The following HSPA12A variants were observed in gnomAD, a reference collection of about 807,000 sequenced individuals.
The protein encoded by HSPA12A is heat shock 70 kDa protein 12A.
HSPA12A carries 28 observed loss-of-function variants against 69.2 expected under a neutral mutation model. The observed-to-expected ratio is 0.40, with a 90% CI of 0.30 to 0.55. The LOEUF (loss-of-function observed/expected upper bound fraction) is 0.55, where lower values mean the gene tolerates loss of function less well. Ranked by LOEUF, HSPA12A falls within the 20% of genes least tolerant of loss-of-function variation. The pLI is 0.38. For synonymous variants in HSPA12A, 345 were observed against 370.5 expected, an observed-to-expected ratio of 0.93 and a Z score of 0.79; for missense variants, 686 against 900.7, an observed-to-expected ratio of 0.76 and a Z score of 3.05.
intron 2 of HSPA12A, among the ~76,000 whole-genome samples, chr10:116,818,932 C>G (rs1845357974): frequency 6.6e-6 from 1 of 152,134 alleles, no homozygotes; most frequent in Non-Finnish European, 1.5e-5. Context: ...TGCTTCCAGG[C>G]TTGTACCTTG....
intron 1 of HSPA12A, among the ~76,000 whole-genome samples, chr10:116,847,428 C>A (rs1395009559): frequency 6.6e-6 from 1 of 152,216 alleles, no homozygotes; most frequent in Non-Finnish European, 1.5e-5. Flanking sequence ...TAAAACCCCA[C>A]TTATTTCTTG....
At chr10:116,797,903 A>G (rs571327922) in intron 2 of HSPA12A, among the ~76,000 whole-genome samples, 1 of 152,308 alleles carries the variant, frequency 6.6e-6, no homozygotes, top group African/African-American at 2.4e-5. Flanking sequence ...CCAGAGGACC[A>G]GAGGGGACAG....
chr10:116,779,295 A>G (rs118109852), intron 2 of HSPA12A, among the ~76,000 whole-genome samples: 2,023 of 152,226 alleles, frequency 0.013, 14 homozygotes, highest in Non-Finnish European at 0.021. Context: ...CAAACACAAG[A>G]GTAGCAGGGA....
chr10:116,824,795 G>A (rs577232111), intron 2 of HSPA12A, among the ~76,000 whole-genome samples: 261 of 152,198 alleles, frequency 1.7e-3, no homozygotes, highest in Non-Finnish European at 2.8e-3. Context: ...CGCCACACCC[G>A]GCTAATTTTT....
chr10:116,849,707 G>A (rs1226078684), exon 1 of HSPA12A: 17 of 1,535,900 alleles, frequency 1.1e-5, no homozygotes, highest in Non-Finnish European at 1.4e-5. Flanking sequence ...TCTACCTCCA[G>A]CCTGCCGACG....
At chr10:116,766,578 G>A (rs1554889774) in intron 2 of HSPA12A, among the ~76,000 whole-genome samples, 1 of 152,120 alleles carries the variant, frequency 6.6e-6, no homozygotes, top group African/African-American at 2.4e-5. Flanking sequence ...GAGGCATTCA[G>A]AAGAAAGTTC....
intron 2 of HSPA12A, among the ~76,000 whole-genome samples, chr10:116,811,517 C>A (rs1423560392): frequency 6.6e-6 from 1 of 151,166 alleles, no homozygotes; most frequent in Non-Finnish European, 1.5e-5. Context: ...GGTCCTGCTC[C>A]AGGCATTTCT....
intron 2 of HSPA12A, among the ~76,000 whole-genome samples, chr10:116,783,812 C>G (rs1362898519): frequency 6.6e-6 from 1 of 152,190 alleles, no homozygotes; most frequent in Non-Finnish European, 1.5e-5. Context: ...AAGCGATTCT[C>G]CTGCCTCAGC....
At chr10:116,787,135 C>A (rs1463612831) in intron 2 of HSPA12A, among the ~76,000 whole-genome samples, 1 of 151,938 alleles carries the variant, frequency 6.6e-6, no homozygotes, top group African/African-American at 2.4e-5. Flanking sequence ...TGAGAACCAG[C>A]AACCTGTCAG....
intron 6 of HSPA12A, among the ~76,000 whole-genome samples, chr10:116,687,919 T>G (rs2132928650): frequency 6.6e-6 from 1 of 152,376 alleles, no homozygotes; most frequent in South Asian, 2.1e-4. Flanking sequence ...GGCCACATTG[T>G]GGCCCAGGAC....
chr10:116,820,235 A>AAT (rs1263141817), intron 2 of HSPA12A, among the ~76,000 whole-genome samples: 5 of 152,020 alleles, frequency 3.3e-5, no homozygotes, highest in African/African-American at 1.2e-4. Flanking sequence ...ATCAAGGAAA[A>AAT]ATAAGAGACA....
chr10:116,793,098 G>A (rs934229994), intron 2 of HSPA12A, among the ~76,000 whole-genome samples: 1 of 152,140 alleles, frequency 6.6e-6, no homozygotes, highest in Non-Finnish European at 1.5e-5. Context: ...AGAACAAGGT[G>A]AAATACAGAC....
intron 2 of HSPA12A, among the ~76,000 whole-genome samples, chr10:116,794,225 T>C (rs1044224993): frequency 1.3e-5 from 2 of 151,594 alleles, no homozygotes; most frequent in African/African-American, 4.9e-5. Flanking sequence ...AATAAATAAA[T>C]AAAAATAAAA....
At chr10:116,683,722 A>G in intron 7 of HSPA12A, 69 bp downstream of exon 7, 1 of 1,382,348 alleles carries the variant, frequency 7.2e-7, no homozygotes, top group East Asian at 2.4e-5. Flanking sequence ...TAAAATCATC[A>G]GAGGGAGAGA....
rs1850838773 is a variant in HSPA12A at position 116,723,247 on chromosome 10, A to C, written c.41-15962T>G. Among the ~76,000 whole-genome samples, 1 of 151,294 alleles carries C rather than the reference A, an allele frequency of 6.6e-6. No homozygotes were observed. Among genetic ancestry groups the C allele is most frequent in the African/African-American group, 2.4e-5 (1 of 41,180 alleles). ...CCTGTCCTCATACAACCCCCTGCAC[A>C]GCTGGGCTGTGTCCTCTGCCATCTG... On this transcript the variant is annotated intron_variant, in intron 1 of 11. Coordinates refer to ENST00000369209, the MANE Select transcript of HSPA12A (RefSeq NM_025015.3). This position sits in a 1 kb window ranked among gnomAD's most constrained non-coding sequence, Gnocchi z 4.1.
At chr10:116,754,499 G>C (rs191339410) in intron 2 of HSPA12A, among the ~76,000 whole-genome samples, 134 of 152,252 alleles carry the variant, frequency 8.8e-4, no homozygotes, top group African/African-American at 3.2e-3. Flanking sequence ...TAAGAAAATT[G>C]GGGATAAGAA....
At chr10:116,766,434 A>C in intron 2 of HSPA12A, among the ~76,000 whole-genome samples, 1 of 152,212 alleles carries the variant, frequency 6.6e-6, no homozygotes, top group African/African-American at 2.4e-5. Flanking sequence ...CACTTTCAAA[A>C]GCTCCTCTGG....
At chr10:116,708,106 C>G (rs1295271497) in intron 1 of HSPA12A, 3 of 152,094 alleles carry the variant, frequency 2.0e-5, no homozygotes, top group African/African-American at 7.2e-5. Flanking sequence ...CAGGAATGGG[C>G]CCCCCGGGAG....
At chr10:116,696,376 C>T (rs1030074402) in intron 5 of HSPA12A, among the ~76,000 whole-genome samples, 2 of 152,098 alleles carry the variant, frequency 1.3e-5, no homozygotes, top group African/African-American at 4.8e-5. Context: ...CAGTTTCCCC[C>T]ATACTGTTCT....
Sources: gnomAD v4.1 joint callset for allele counts (sites outside exome capture counted in the v4.1 genomes callset) on GRCh38, gnomAD v4.1.1 for gene constraint, Gnocchi (gnomAD v3.1) non-coding constraint, MANE v1.5 for transcripts, NCBI Gene and HGNC (gene_info 2026-07-23, HGNC 2026-07-21) for gene names.